The following MAP7 variants were observed in gnomAD, a reference collection of about 807,000 sequenced individuals.
The protein encoded by MAP7 is microtubule associated protein 7, also known as ensconsin.
MAP7 carries 52 observed loss-of-function variants against 94.8 expected under a neutral mutation model. The ratio of observed to expected loss-of-function variants is 0.55; its 90% confidence interval spans 0.44 to 0.69. The LOEUF is 0.69. Ranked by LOEUF, MAP7 falls within the 30% of genes least tolerant of loss-of-function variation. MAP7 has a pLI of 0.00. For synonymous variants in MAP7, 350 were observed against 357.0 expected (o/e 0.98, Z 0.22); for missense variants, 940 against 964.6 (o/e 0.97, Z 0.34).
At chr6:136,476,832 A>G (rs1484197941) in intron 1 of MAP7, among the ~76,000 whole-genome samples, 2 of 152,214 alleles carry the variant, frequency 1.3e-5, no homozygotes, top group African/African-American at 4.8e-5. Context: ...TAATTAGCAA[A>G]AAGAATTATA....
At chr6:136,476,925 T>G (rs1423308059) in intron 1 of MAP7, among the ~76,000 whole-genome samples, 2 of 152,194 alleles carry the variant, frequency 1.3e-5, no homozygotes, top group African/African-American at 4.8e-5. Context: ...GAAAGCCAAC[T>G]AATAAATGTG....
At chr6:136,435,142 G>A (rs1283161170) in intron 1 of MAP7, among the ~76,000 whole-genome samples, 1 of 152,126 alleles carries the variant, frequency 6.6e-6, no homozygotes, top group East Asian at 1.9e-4. Flanking sequence ...CTTGGGGGTT[G>A]GTGCCTACAA....
intron 6 of MAP7, among the ~76,000 whole-genome samples, chr6:136,381,877 TACACACACACACACACAC>T (rs1156527948): frequency 8.3e-4 from 77 of 93,046 alleles, no homozygotes; most frequent in African/African-American, 2.1e-3. Context: ...CTTCTAACCT[TACACACACACACACACAC>T]ACACACACAC....
At chr6:136,516,064 A>G (rs1033429735) in intron 1 of MAP7, among the ~76,000 whole-genome samples, 3 of 152,202 alleles carry the variant, frequency 2.0e-5, no homozygotes, top group Non-Finnish European at 4.4e-5. Context: ...GACAGACAAT[A>G]AACGACTCAG....
chr6:136,456,770 A>AGGAGGAC (rs1464535719), intron 1 of MAP7, among the ~76,000 whole-genome samples: 6 of 49,386 alleles, frequency 1.2e-4, no homozygotes, highest in African/African-American at 6.0e-4. Flanking sequence ...AGGAGGAGGA[A>AGGAGGAC]GAAGAAGAAG....
intron 1 of MAP7, among the ~76,000 whole-genome samples, chr6:136,485,239 T>C (rs923231134): frequency 6.6e-6 from 1 of 152,250 alleles, no homozygotes; most frequent in Non-Finnish European, 1.5e-5. Flanking sequence ...CTTACTTGAC[T>C]GAGGATGTTC....
rs140896247 is a variant in MAP7 at position 136,365,954 on chromosome 6, C to T, written c.1054G>A (p.Gly352Ser). 62 of 1,613,548 alleles carry T rather than the reference C, an allele frequency of 3.8e-5. No individual in the cohort carries two copies. The highest frequency in any genetic ancestry group is 5.3e-5 in the African/African-American group (4 of 74,830). Residue 352 changes from glycine to serine, a missense_variant, in exon 10 of 18, where the codon GGC becomes AGC. Gly to Ser is a moderately conservative substitution (Grantham distance 56). Coordinates refer to ENST00000354570, the MANE Select transcript of MAP7 (RefSeq NM_003980.6). ...TGAGCAGGAGCAGCTTTGACTGAGC[C>T]GGGTGGCAAGGAGGATGTCGGTCTG... ...TPRPTSSLPP[G>S]SVKAAPAQVR...
At chr6:136,407,963 T>C (rs1229555073) in intron 3 of MAP7, among the ~76,000 whole-genome samples, 1 of 152,056 alleles carries the variant, frequency 6.6e-6, no homozygotes, top group East Asian at 1.9e-4. Flanking sequence ...TGAAAGAAAA[T>C]GAACAATTTA....
At chr6:136,462,355 G>A (rs1033461665) in intron 1 of MAP7, among the ~76,000 whole-genome samples, 1 of 152,154 alleles carries the variant, frequency 6.6e-6, no homozygotes, top group Non-Finnish European at 1.5e-5. Flanking sequence ...TTTAGGTTGT[G>A]TGACAGTATG....
intron 1 of MAP7, among the ~76,000 whole-genome samples, chr6:136,496,806 T>A (rs796112767): frequency 3.3e-4 from 44 of 132,746 alleles, no homozygotes; most frequent in African/African-American, 1.3e-3. Flanking sequence ...AAAAAAAAAT[T>A]AGCTAGGAGT....
chr6:136,467,697 G>A (rs994232198), intron 1 of MAP7, among the ~76,000 whole-genome samples: 1 of 152,122 alleles, frequency 6.6e-6, no homozygotes, highest in Non-Finnish European at 1.5e-5. Flanking sequence ...GTCATAGAGT[G>A]GGAACCGAGG....
At chr6:136,388,600 C>G (rs1330182720) in intron 4 of MAP7, 90 bp from the exon 5 acceptor site, 1 of 931,178 alleles carries the variant, frequency 1.1e-6, no homozygotes, top group East Asian at 2.4e-5. Flanking sequence ...AGGAGTACTA[C>G]TTCAATTCCC....
intron 11 of MAP7, among the ~76,000 whole-genome samples, chr6:136,362,090 A>C (rs1005321898): frequency 9.9e-5 from 15 of 152,058 alleles, no homozygotes; most frequent in Non-Finnish European, 2.2e-4. Context: ...TTTTTCTTTA[A>C]AGCTTTCTCC....
intron 1 of MAP7, among the ~76,000 whole-genome samples, chr6:136,448,108 C>T (rs762713604): frequency 6.6e-6 from 1 of 152,094 alleles, no homozygotes; most frequent in Admixed American, 6.6e-5. Flanking sequence ...AGGAAAATCA[C>T]TTGAATCCCA....
chr6:136,544,852 C>T (rs1158900629), intron 1 of MAP7, among the ~76,000 whole-genome samples: 3 of 152,058 alleles, frequency 2.0e-5, no homozygotes, highest in Non-Finnish European at 2.9e-5. Flanking sequence ...CCCAGCTACT[C>T]GAACAGCTAA....
chr6:136,436,664 G>A (rs1796458443), intron 1 of MAP7, among the ~76,000 whole-genome samples: 1 of 152,194 alleles, frequency 6.6e-6, no homozygotes, highest in Non-Finnish European at 1.5e-5. Context: ...ACAGGTGTGA[G>A]CTACCACATC....
At chr6:136,398,857 A>C (rs2128701099) in intron 3 of MAP7, among the ~76,000 whole-genome samples, 1 of 152,234 alleles carries the variant, frequency 6.6e-6, no homozygotes, top group East Asian at 1.9e-4. Flanking sequence ...AACTCAGTGC[A>C]CTCATGGGTT....
chr6:136,501,039 T>C (rs1332176179), intron 1 of MAP7, among the ~76,000 whole-genome samples: 1 of 152,244 alleles, frequency 6.6e-6, no homozygotes. Context: ...GTAAATTTTA[T>C]GTTTTACAAA....
intron 1 of MAP7, among the ~76,000 whole-genome samples, chr6:136,512,721 G>C (rs1383195508): frequency 2.0e-5 from 3 of 152,180 alleles, no homozygotes; most frequent in African/African-American, 7.2e-5. Context: ...AATCATTGGA[G>C]CCTTTAGTGA....
Sources: gnomAD v4.1 joint callset for allele counts (sites outside exome capture counted in the v4.1 genomes callset) on GRCh38, gnomAD v4.1.1 for gene constraint, MANE v1.5 for transcripts, NCBI Gene and HGNC (gene_info 2026-07-23, HGNC 2026-07-21) for gene names.